Variants in MRTFB observed in about 807,000 individuals in gnomAD.
MRTFB encodes the protein myocardin-related transcription factor B.
A neutral mutation model predicts 104.2 loss-of-function variants in MRTFB; 29 were observed. That is an observed-to-expected ratio of 0.28 (90% CI 0.21 to 0.38). The LOEUF (loss-of-function observed/expected upper bound fraction) is 0.38. Among genes scored for constraint, MRTFB ranks in the 10% least tolerant of loss-of-function variants. The probability of loss-of-function intolerance (pLI) is 1.00; values close to 1 mark genes in which losing one functional copy is unlikely to be tolerated. For synonymous variants in MRTFB, 535 were observed against 519.5 expected (o/e 1.03, Z -0.41); for missense variants, 1,270 against 1,341.6 (o/e 0.95, Z 0.83).
In MRTFB at chr16:14,212,337, C is replaced by T. The variant is rs1389096462; in HGVS notation, c.221-17C>T. On this transcript the variant is annotated splice_polypyrimidine_tract_variant and intron_variant, in intron 4 of 16. Coordinates refer to ENST00000571589, the MANE Select transcript of MRTFB (RefSeq NM_001308142.2). ...TGAACTCTATTTATACTGTGGAAAC[C>T]ATTTCTTTTCTCACAGCTTTGAAGA... 52 of 1,613,218 alleles carry T rather than the reference C, an allele frequency of 3.2e-5. No homozygotes were observed. The highest frequency in any genetic ancestry group is 4.2e-5 in the Non-Finnish European group (49 of 1,179,466).
At chr16:13,999,742 G>A in the MRTFB span, among the ~76,000 whole-genome samples, 3 of 152,138 alleles carry the variant, frequency 2.0e-5, no homozygotes, top group East Asian at 1.9e-4. Flanking sequence ...CCCCAGGATC[G>A]AGCCTCGCCT....
At chr16:14,053,141 G>A in the MRTFB span, among the ~76,000 whole-genome samples, 1 of 151,808 alleles carries the variant, frequency 6.6e-6, no homozygotes, top group Non-Finnish European at 1.5e-5. Flanking sequence ...GCCCAGGCTG[G>A]TCTCAAACTC....
the MRTFB span, among the ~76,000 whole-genome samples, chr16:14,035,235 C>G: frequency 3.3e-5 from 5 of 152,186 alleles, no homozygotes; most frequent in African/African-American, 1.2e-4. Flanking sequence ...GATCCCTTTC[C>G]TATAAATCAG....
At chr16:14,111,389 C>T (rs1049746783) in intron 2 of MRTFB, among the ~76,000 whole-genome samples, 1 of 152,094 alleles carries the variant, frequency 6.6e-6, no homozygotes, top group African/African-American at 2.4e-5. Context: ...CTCATCTGCT[C>T]AGTGATGAGG....
At chr16:14,036,123 A>T in the MRTFB span, among the ~76,000 whole-genome samples, 6 of 9,094 alleles carry the variant, frequency 6.6e-4, no homozygotes, top group African/African-American at 1.8e-3. Context: ...TATTATATAA[A>T]ATATATATTA....
intron 9 of MRTFB, among the ~76,000 whole-genome samples, chr16:14,237,361 C>CA (rs956187500): frequency 1.3e-5 from 2 of 152,148 alleles, no homozygotes; most frequent in African/African-American, 4.8e-5. Flanking sequence ...CACGATGTTT[C>CA]AAGAAGAAGG....
rs536194533 is a variant in MRTFB at position 14,216,001 on chromosome 16, CATTTT to C, written c.353-1119_353-1115del. The stretch of plus-strand genomic sequence containing the variant: ...AGCATTTAAGTTTCCAAGAAATAAA[CATTTT>C]ATTTTTGAAGTTTTATCATTTTCTC... On this transcript the variant is annotated intron_variant, in intron 6 of 16. Coordinates refer to ENST00000571589, the MANE Select transcript of MRTFB (RefSeq NM_001308142.2). 4.4e-4 allele frequency among the ~76,000 whole-genome samples: 67 copies of C among 152,292 alleles called. 1 individual carries two copies. Among genetic ancestry groups the C allele is most frequent in the Admixed American group, 2.9e-3 (45 of 15,292 alleles).
At chr16:14,000,630 T>C in the MRTFB span, among the ~76,000 whole-genome samples, 3 of 152,384 alleles carry the variant, frequency 2.0e-5, no homozygotes, top group East Asian at 5.8e-4. Context: ...ATTCCCTCTC[T>C]GCAGGGCTTG....
intron 2 of MRTFB, among the ~76,000 whole-genome samples, chr16:14,122,802 A>G (rs916892968): frequency 8.5e-5 from 13 of 152,346 alleles, no homozygotes; most frequent in Admixed American, 4.6e-4. Context: ...TTGGGTATAT[A>G]CACAGTAATG....
intron 2 of MRTFB, among the ~76,000 whole-genome samples, chr16:14,101,204 T>C (rs1355152584): frequency 6.6e-6 from 1 of 151,902 alleles, no homozygotes; most frequent in Non-Finnish European, 1.5e-5. Flanking sequence ...TTTGAGCTGT[T>C]TCCTCTCTAA....
chr16:14,107,634 C>T (rs1464693259), intron 2 of MRTFB, among the ~76,000 whole-genome samples: 1 of 152,172 alleles, frequency 6.6e-6, no homozygotes, highest in Non-Finnish European at 1.5e-5. Context: ...ACCAATTCTG[C>T]ATGACTGCCC....
At chr16:14,014,682 C>T in the MRTFB span, among the ~76,000 whole-genome samples, 98 of 151,834 alleles carry the variant, frequency 6.5e-4, no homozygotes, top group African/African-American at 1.6e-3. Flanking sequence ...GGTGAAACCC[C>T]GTCTCTACTA....
At chr16:14,187,077 AT>A (rs2039982259) in intron 3 of MRTFB, 1 of 1,538,244 alleles carries the variant, frequency 6.5e-7, no homozygotes, top group East Asian at 2.3e-5. Flanking sequence ...CCAAATTCAT[AT>A]TCTGGTCAGC....
intron 15 of MRTFB, 69 bp from the exon 16 acceptor site, chr16:14,258,032 G>A: frequency 6.1e-6 from 8 of 1,316,122 alleles, no homozygotes; most frequent in Non-Finnish European, 8.8e-6. Flanking sequence ...AGTCCCTTAG[G>A]ACTGCTAATT....
the MRTFB span, among the ~76,000 whole-genome samples, chr16:14,033,085 C>G: frequency 3.9e-5 from 6 of 152,010 alleles, no homozygotes; most frequent in Admixed American, 6.6e-5. Flanking sequence ...CTGGGAAGCT[C>G]TAGATCTTGG....
chr16:14,221,433 C>T (rs1450879685), intron 8 of MRTFB, among the ~76,000 whole-genome samples: 1 of 152,200 alleles, frequency 6.6e-6, no homozygotes. Context: ...TCATACTCAG[C>T]ACAGGGGTCC....
intron 16 of MRTFB, 59 bp downstream of exon 16, chr16:14,258,220 AAAG>A: frequency 1.4e-6 from 2 of 1,435,044 alleles, no homozygotes; most frequent in South Asian, 2.3e-5. Context: ...CAAGTTCATG[AAAG>A]TTTTTCTTAA....
intron 3 of MRTFB, among the ~76,000 whole-genome samples, chr16:14,175,171 A>G (rs768108254): frequency 2.1e-4 from 32 of 152,220 alleles, no homozygotes; most frequent in Non-Finnish European, 4.1e-4. Flanking sequence ...TTGAACTATA[A>G]TTGACATACA....
At chr16:14,244,108 G>C (rs532263616) in intron 10 of MRTFB, among the ~76,000 whole-genome samples, 1 of 152,206 alleles carries the variant, frequency 6.6e-6, no homozygotes, top group Admixed American at 6.5e-5. Context: ...TCGATCTCCT[G>C]ACCTCATGAT....
Sources: allele counts gnomAD v4.1 joint callset (sites outside exome capture counted in the v4.1 genomes callset), GRCh38; gene constraint gnomAD v4.1.1; transcripts MANE v1.5; gene names NCBI Gene and HGNC (gene_info 2026-07-23, HGNC 2026-07-21).